FGF13: variants seen among roughly 807,000 people sequenced by gnomAD.
FGF13 encodes the protein fibroblast growth factor 13, also known as fibroblast growth factor homologous factor 2.
FGF13 carries 2 observed loss-of-function variants against 19.5 expected under a neutral mutation model. The ratio of observed to expected loss-of-function variants is 0.10; its 90% confidence interval spans 0.04 to 0.32. The LOEUF (loss-of-function observed/expected upper bound fraction) is 0.32, where lower values mean the gene tolerates loss of function less well. Ranked by LOEUF, FGF13 falls within the 10% of genes least tolerant of loss-of-function variation. The probability of loss-of-function intolerance (pLI) is 1.00; values close to 1 mark genes in which losing one functional copy is unlikely to be tolerated. For missense variants in FGF13, 113 were observed against 192.7 expected (o/e 0.59, Z 2.45); for synonymous variants, 72 against 76.9 (o/e 0.94, Z 0.33).
chrX:139,029,432 T>C (rs1382697482), intron 1 of FGF13, among the ~76,000 whole-genome samples: 1 of 112,016 alleles, frequency 8.9e-6, no homozygotes, highest in Non-Finnish European at 1.9e-5. Flanking sequence ...GTGACTCCTC[T>C]AGGAAATTTT....
intron 1 of FGF13, among the ~76,000 whole-genome samples, chrX:139,104,120 A>G (rs2083538797): frequency 1.8e-5 from 2 of 111,526 alleles, no homozygotes; most frequent in South Asian, 3.8e-4. Flanking sequence ...AATGTTGGGT[A>G]AAATGCCTGA....
intron 3 of FGF13, among the ~76,000 whole-genome samples, chrX:138,771,333 A>G (rs1009444188): frequency 9.0e-6 from 1 of 111,707 alleles, no homozygotes; most frequent in African/African-American, 3.3e-5. Context: ...CTGTAACTCA[A>G]TTATGTAATC....
chrX:138,989,404 T>C (rs962766387), intron 1 of FGF13, among the ~76,000 whole-genome samples: 1 of 111,624 alleles, frequency 9.0e-6, no homozygotes. Context: ...ACCCAAAATA[T>C]TCATTTAGAA....
intron 1 of FGF13, among the ~76,000 whole-genome samples, chrX:139,035,155 G>T (rs745980436): frequency 9.0e-6 from 1 of 111,256 alleles, no homozygotes; most frequent in East Asian, 2.9e-4. Flanking sequence ...TAAAAAATAG[G>T]TAAAGAAATT....
intron 1 of FGF13, among the ~76,000 whole-genome samples, chrX:138,951,257 T>A (rs1260458311): frequency 9.0e-6 from 1 of 111,707 alleles, no homozygotes; most frequent in African/African-American, 3.3e-5. Flanking sequence ...GACTAATGCA[T>A]CCTCTATAAC....
intron 3 of FGF13, among the ~76,000 whole-genome samples, chrX:138,682,713 T>C (rs904878267): frequency 4.5e-5 from 5 of 112,040 alleles, no homozygotes; most frequent in African/African-American, 1.6e-4. Context: ...CATGTAATCA[T>C]AGGTCAAATT....
At chrX:138,833,525 C>T (rs1238616654) in intron 3 of FGF13, among the ~76,000 whole-genome samples, 1 of 112,008 alleles carries the variant, frequency 8.9e-6, no homozygotes, top group Admixed American at 9.5e-5. Context: ...TGAGACTTTG[C>T]TGAAGTTTCT....
At chrX:139,078,688 G>A (rs2083348403) in intron 1 of FGF13, among the ~76,000 whole-genome samples, 1 of 112,469 alleles carries the variant, frequency 8.9e-6, no homozygotes, top group African/African-American at 3.2e-5. Flanking sequence ...AAGTTCAGAG[G>A]ACTTTTTCAG....
intron 3 of FGF13, among the ~76,000 whole-genome samples, chrX:138,660,364 G>A (rs1350092671): frequency 1.8e-5 from 2 of 111,761 alleles, no homozygotes; most frequent in Non-Finnish European, 3.8e-5. Flanking sequence ...GCTGTATATT[G>A]TGTTAAAATA....
chrX:138,972,531 G>A (rs1011499596), intron 1 of FGF13, among the ~76,000 whole-genome samples: 9 of 108,720 alleles, frequency 8.3e-5, no homozygotes, highest in African/African-American at 2.7e-4. Flanking sequence ...TAATTTTTTC[G>A]TATTTTTAGT....
chrX:138,669,608 G>T (rs2089591777), intron 3 of FGF13, among the ~76,000 whole-genome samples: 1 of 111,184 alleles, frequency 9.0e-6, no homozygotes, highest in South Asian at 3.8e-4. Context: ...CTACATGTCA[G>T]TTGATAAGAG....
At chrX:138,973,717 T>G (rs1420530158) in intron 1 of FGF13, among the ~76,000 whole-genome samples, 1 of 112,358 alleles carries the variant, frequency 8.9e-6, no homozygotes, top group East Asian at 2.8e-4. Flanking sequence ...ATCTTCTTTC[T>G]GTATTCCCCT....
intron 3 of FGF13, among the ~76,000 whole-genome samples, chrX:138,851,721 A>G (rs2091223600): frequency 8.9e-6 from 1 of 112,043 alleles, no homozygotes; most frequent in Non-Finnish European, 1.9e-5. Context: ...TGGCCAGGGC[A>G]ATCAGGCAAG....
intron 1 of FGF13, among the ~76,000 whole-genome samples, chrX:138,867,298 A>C (rs1316533823): frequency 9.0e-6 from 1 of 111,315 alleles, no homozygotes; most frequent in Non-Finnish European, 1.9e-5. Flanking sequence ...ACACACCTGT[A>C]GTCATGGCTA....
chrX:138,646,750 G>A (rs1201847822), intron 3 of FGF13, among the ~76,000 whole-genome samples: 1 of 111,381 alleles, frequency 9.0e-6, no homozygotes. Flanking sequence ...GCCTTTTCAG[G>A]TACAGACGCA....
In FGF13 at chrX:138,779,595, G is replaced by A. The variant is rs780852961; in HGVS notation, c.218-70667C>T. Among the ~76,000 whole-genome samples, 1,027 of 110,023 alleles carry A rather than the reference G, an allele frequency of 9.3e-3. 13 individuals are homozygous for A. The highest frequency in any genetic ancestry group is 0.032 in the African/African-American group (958 of 30,147). Reference sequence around the variant, plus strand: ...GAAGATGAAATGAATGAAATGAAGCGAGAAGGGAAGTTTAGAGAAAAAAGA... The same window carrying A: ...GAAGATGAAATGAATGAAATGAAGCAAGAAGGGAAGTTTAGAGAAAAAAGA... On this transcript the variant is annotated intron_variant, in intron 3 of 6. Transcript: ENST00000436198.
At chrX:138,896,330 A>C (rs2091503968) in intron 1 of FGF13, among the ~76,000 whole-genome samples, 1 of 111,463 alleles carries the variant, frequency 9.0e-6, no homozygotes, top group South Asian at 3.8e-4. Context: ...AAAGTTAAAA[A>C]ATATACTTGA....
chrX:139,085,446 TAAA>T (rs2083397728), intron 1 of FGF13, among the ~76,000 whole-genome samples: 1 of 112,115 alleles, frequency 8.9e-6, no homozygotes, highest in African/African-American at 3.2e-5. Context: ...ATGTGTCCAA[TAAA>T]TATTAGCTAT....
chrX:139,087,798 A>T (rs753019843), intron 1 of FGF13, among the ~76,000 whole-genome samples: 1 of 112,286 alleles, frequency 8.9e-6, no homozygotes, highest in Non-Finnish European at 1.9e-5. Flanking sequence ...CCCTGATTCC[A>T]AAACCCAGCT....
Sources: gnomAD v4.1 joint callset for allele counts (sites outside exome capture counted in the v4.1 genomes callset) on GRCh38, gnomAD v4.1.1 for gene constraint, MANE v1.5 for transcripts, NCBI Gene and HGNC (gene_info 2026-07-23, HGNC 2026-07-21) for gene names.